The following LRRTM3 variants were observed in gnomAD, a reference collection of about 807,000 sequenced individuals.
LRRTM3 encodes leucine rich repeat transmembrane neuronal 3.
A neutral mutation model predicts 44.7 loss-of-function variants in LRRTM3; 24 were observed. The observed-to-expected ratio is 0.54, with a 90% CI of 0.39 to 0.76. The LOEUF (loss-of-function observed/expected upper bound fraction) is 0.76. Among genes scored for constraint, LRRTM3 ranks in the 30% least tolerant of loss-of-function variants. The pLI, the probability that LRRTM3 is intolerant of heterozygous loss-of-function variation, is 0.00. For missense variants in LRRTM3, 587 were observed against 702.2 expected (o/e 0.84, Z 1.85); for synonymous variants, 277 against 278.7 (o/e 0.99, Z 0.06).
At chr10:67,029,492 C>T (rs1461833246) in intron 2 of LRRTM3, among the ~76,000 whole-genome samples, 4 of 152,264 alleles carry the variant, frequency 2.6e-5, no homozygotes, top group Middle Eastern at 3.4e-3. Context: ...GGTGGGTACT[C>T]ATCTACTTGA....
intron 2 of LRRTM3, among the ~76,000 whole-genome samples, chr10:66,955,397 A>C (rs1038235221): frequency 2.0e-5 from 3 of 152,178 alleles, no homozygotes; most frequent in African/African-American, 7.2e-5. Flanking sequence ...TTATTCTCAC[A>C]ATCACCCTAT....
chr10:66,937,184 T>G (rs1173445713), intron 2 of LRRTM3, among the ~76,000 whole-genome samples: 2 of 152,154 alleles, frequency 1.3e-5, no homozygotes, highest in African/African-American at 4.8e-5. Context: ...ACTTGGACTA[T>G]GGATCCAGTT....
chr10:67,041,910 A>G (rs766696287), intron 2 of LRRTM3, among the ~76,000 whole-genome samples: 49 of 152,274 alleles, frequency 3.2e-4, no homozygotes, highest in Non-Finnish European at 5.1e-4. Context: ...CACATTCATA[A>G]AAGCAATTGT....
At chr10:66,984,372 AG>A (rs1004116404) in intron 2 of LRRTM3, among the ~76,000 whole-genome samples, 1 of 152,192 alleles carries the variant, frequency 6.6e-6, no homozygotes, top group Non-Finnish European at 1.5e-5. Context: ...GGGAACAAGA[AG>A]GAAGGTTAAA....
rs1298399494 is a variant in LRRTM3, at chr10:67,098,566, T to A, written c.*770T>A. The A allele has an allele frequency of 2.6e-5, 4 of 152,292 alleles. No individual in the cohort carries two copies. Among genetic ancestry groups the A allele is most frequent in the Admixed American group, 2.0e-4 (3 of 15,178 alleles). 9.4% of individuals were successfully genotyped at this position (152,292 alleles called of 1,614,324 possible). A position where few individuals can be genotyped will look rare whatever the true frequency, so the allele number is the denominator to read the frequency against. On this transcript the variant is annotated 3_prime_UTR_variant, in exon 3 of 3. Transcript: ENST00000361320. ...TGAAATGTAATGATAAAGAGGGATA[T>A]TTTAACATATTTCCGAATGAATGAC...
chr10:66,972,265 C>T (rs1394432031), intron 2 of LRRTM3, among the ~76,000 whole-genome samples: 1 of 152,182 alleles, frequency 6.6e-6, no homozygotes, highest in African/African-American at 2.4e-5. Context: ...CAGAGTTCAA[C>T]TCCTTTACCC....
chr10:67,098,205 A>C lies in LRRTM3; in HGVS notation c.*409A>C, dbSNP rs1858130996. On this transcript the variant is annotated 3_prime_UTR_variant, in exon 3 of 3. Coordinates refer to ENST00000361320, the MANE Select transcript of LRRTM3 (RefSeq NM_178011.5). ...AAAACTTTACACATTTCAGTTTCTAAAATTTTAAATTAACAAAAATTATTT... is the reference window on the plus strand; with the variant it reads ...AAAACTTTACACATTTCAGTTTCTACAATTTTAAATTAACAAAAATTATTT... The C allele has an allele frequency of 6.3e-6, 1 of 158,098 alleles. No homozygotes were observed. Among genetic ancestry groups the C allele is most frequent in the South Asian group, 1.9e-4 (1 of 5,374 alleles). 9.8% of individuals were successfully genotyped at this position (158,098 alleles called of 1,614,324 possible).
intron 2 of LRRTM3, among the ~76,000 whole-genome samples, chr10:67,061,955 A>T (rs1188950709): frequency 9.0e-6 from 1 of 111,412 alleles, no homozygotes; most frequent in African/African-American, 3.6e-5. Context: ...TACTGTAAAA[A>T]AAATCAATCT....
Position 67,024,292 on chromosome 10 carries a change from T to A in LRRTM3, c.1537-73295T>A, listed in dbSNP as rs565535563. On this transcript the variant is annotated intron_variant, in intron 2 of 2. Transcript: ENST00000361320. ...TCATTGTGTTCTCGTAGAGTCTGAC[T>A]TTACTGCTTCTGTCTTTATATTTTT... Among the ~76,000 whole-genome samples, 238 of 152,322 alleles carry A rather than the reference T, an allele frequency of 1.6e-3. 1 individual carries two copies. The highest frequency in any genetic ancestry group is 3.1e-3 in the Non-Finnish European group (210 of 68,022).
chr10:67,037,350 G>A lies in LRRTM3; in HGVS notation c.1537-60237G>A, dbSNP rs115315153. ...AGCAGTTACTATGTGGCAACACTAT[G>A]TGGCAACAATGGAAATCTAAAAAAA... On this transcript the variant is annotated intron_variant, in intron 2 of 2. Coordinates refer to ENST00000361320, the MANE Select transcript of LRRTM3 (RefSeq NM_178011.5). 9.8e-3 allele frequency among the ~76,000 whole-genome samples: 1,410 copies of A among 143,708 alleles called. 28 individuals are homozygous for A. Among genetic ancestry groups the A allele is most frequent in the African/African-American group, 0.034 (1,305 of 38,348 alleles). The allele number at this position is 143,708 out of a possible 152,430, so 94.3% of individuals were successfully genotyped here. A position where few individuals can be genotyped will look rare whatever the true frequency, so the allele number is the denominator to read the frequency against.
chr10:67,060,331 A>G (rs779436809), intron 2 of LRRTM3, among the ~76,000 whole-genome samples: 1 of 152,216 alleles, frequency 6.6e-6, no homozygotes, highest in Non-Finnish European at 1.5e-5. Flanking sequence ...GTCTTTTTAA[A>G]AAAATTCTGT....
intron 2 of LRRTM3, among the ~76,000 whole-genome samples, chr10:66,988,043 T>C (rs1850832042): frequency 6.6e-6 from 1 of 152,140 alleles, no homozygotes; most frequent in South Asian, 2.1e-4. Context: ...ATTTAGTCTT[T>C]TTGTCAATAA....
At chr10:67,030,236 TC>T in intron 2 of LRRTM3, among the ~76,000 whole-genome samples, 1 of 152,212 alleles carries the variant, frequency 6.6e-6, no homozygotes, top group African/African-American at 2.4e-5. Context: ...TTTAAAGCAT[TC>T]TGCTCTACAT....
At chr10:66,955,688 A>G (rs1220706475) in intron 2 of LRRTM3, among the ~76,000 whole-genome samples, 2 of 152,178 alleles carry the variant, frequency 1.3e-5, no homozygotes, top group Non-Finnish European at 2.9e-5. Flanking sequence ...GAGGCCACCT[A>G]TCTAGACTGT....
At chr10:67,094,192 C>T (rs1374881317) in intron 2 of LRRTM3, among the ~76,000 whole-genome samples, 1 of 151,776 alleles carries the variant, frequency 6.6e-6, no homozygotes, top group African/African-American at 2.4e-5. Flanking sequence ...TAATTAGAAG[C>T]AAAAATATCC....
intron 2 of LRRTM3, among the ~76,000 whole-genome samples, chr10:67,034,757 T>C (rs946172897): frequency 2.0e-5 from 3 of 152,200 alleles, no homozygotes; most frequent in African/African-American, 7.2e-5. Flanking sequence ...AGTAAATCTC[T>C]TTCATGTAAT....
intron 2 of LRRTM3, among the ~76,000 whole-genome samples, chr10:66,995,908 C>G (rs1851304022): frequency 6.6e-6 from 1 of 152,148 alleles, no homozygotes; most frequent in South Asian, 2.1e-4. Flanking sequence ...TTATGGAGTA[C>G]TGATATTGCA....
intron 2 of LRRTM3, among the ~76,000 whole-genome samples, chr10:67,089,499 A>G (rs1410244495): frequency 6.6e-6 from 1 of 152,096 alleles, no homozygotes; most frequent in Non-Finnish European, 1.5e-5. Context: ...CTCTTCGAAC[A>G]AATAAATCAG....
intron 2 of LRRTM3, among the ~76,000 whole-genome samples, chr10:66,978,993 C>G (rs1212647696): frequency 1.9e-5 from 2 of 104,126 alleles, no homozygotes; most frequent in East Asian, 6.7e-4. Flanking sequence ...TTGAGACAGT[C>G]TTGCTCTGCC....
Sources: gnomAD v4.1 joint callset for allele counts (sites outside exome capture counted in the v4.1 genomes callset) on GRCh38, gnomAD v4.1.1 for gene constraint, MANE v1.5 for transcripts, NCBI Gene and HGNC (gene_info 2026-07-23, HGNC 2026-07-21) for gene names.